The following KATNBL1 variants were observed in gnomAD, a reference collection of about 807,000 sequenced individuals.
KATNBL1 encodes KATNB1-like protein 1.
A neutral mutation model predicts 44.7 loss-of-function variants in KATNBL1; 28 were observed. The observed-to-expected ratio is 0.63, with a 90% CI of 0.46 to 0.86. The LOEUF (loss-of-function observed/expected upper bound fraction) is 0.86. Ranked by LOEUF, KATNBL1 falls within the 40% of genes least tolerant of loss-of-function variation. The pLI, the probability that KATNBL1 is intolerant of heterozygous loss-of-function variation, is 0.00. For missense variants in KATNBL1, 272 were observed against 350.7 expected, an observed-to-expected ratio of 0.78 and a Z score of 1.79; for synonymous variants, 78 against 114.9, an observed-to-expected ratio of 0.68 and a Z score of 2.06.
At chr15:34,167,211 A>G (rs1327597584) in intron 1 of KATNBL1, among the ~76,000 whole-genome samples, 1 of 152,228 alleles carries the variant, frequency 6.6e-6, no homozygotes, top group Non-Finnish European at 1.5e-5. Flanking sequence ...AAAAGGTTAG[A>G]CAAATGGTTA....
At chr15:34,188,392 C>T (rs1889783594) in intron 1 of KATNBL1, among the ~76,000 whole-genome samples, 1 of 151,914 alleles carries the variant, frequency 6.6e-6, no homozygotes, top group South Asian at 2.1e-4. Context: ...CCCGTCTGTA[C>T]TAAAAATACA....
chr15:34,178,165 T>C (rs1044686977), intron 1 of KATNBL1, among the ~76,000 whole-genome samples: 29 of 152,210 alleles, frequency 1.9e-4, no homozygotes. Flanking sequence ...TTTCGTTAAT[T>C]GAATTCAATT....
intron 1 of KATNBL1, among the ~76,000 whole-genome samples, chr15:34,181,852 A>ATATATAT (rs1567532408): frequency 6.6e-5 from 1 of 15,208 alleles, no homozygotes; most frequent in Admixed American, 8.7e-4. Context: ...ACATATATAT[A>ATATATAT]GTCCATATAT....
chr15:34,209,448 T>A (rs984711878), intron 1 of KATNBL1: 5 of 152,236 alleles, frequency 3.3e-5, no homozygotes, highest in African/African-American at 1.2e-4. Flanking sequence ...ACAGTAAGGT[T>A]TTTAAAGTTG....
chr15:34,147,050 A>G, intron 7 of KATNBL1, 150 bp downstream of exon 7: 1 of 644,584 alleles, frequency 1.6e-6, no homozygotes, highest in East Asian at 2.7e-5. Flanking sequence ...TCCTTTAGTC[A>G]TTTCATATTC....
rs981096691 is a variant in KATNBL1, at chr15:34,140,861, G to C, written c.*1478C>G. The C allele has an allele frequency of 6.6e-6, 1 of 152,068 alleles. No individual in the cohort carries two copies. Among genetic ancestry groups the C allele is most frequent in the African/African-American group, 2.4e-5 (1 of 41,412 alleles). The allele number at this position is 152,068 out of a possible 1,614,324, so 9.4% of individuals were successfully genotyped here. The stretch of plus-strand genomic sequence containing the variant: ...GAAATAACCAATTATTACAATTCAT[G>C]TTCACTGTGAGGAATATCTAGCTAT... On this transcript the variant is annotated 3_prime_UTR_variant, in exon 10 of 10. Coordinates refer to ENST00000256544, the MANE Select transcript of KATNBL1 (RefSeq NM_024713.3).
rs749735540 is a variant in KATNBL1, at chr15:34,148,723, G to T, written c.466C>A (p.Gln156Lys). 2.0e-5 allele frequency: 32 copies of T among 1,611,684 alleles called. No individual in the cohort carries two copies. The highest frequency in any genetic ancestry group is 2.7e-5 in the Non-Finnish European group (32 of 1,178,034). The change falls in exon 5 of 10, where the codon CAA becomes AAA. Residue 156 changes from glutamine (Q) to lysine (K), a missense_variant. Gln to Lys is a moderately conservative substitution (Grantham distance 53). Transcript: ENST00000256544. ...CTCATATTCCTGCTGAACAAAACTTGGGCCATTGTTTCATGGTCCTGAGAA... is the reference window on the plus strand; with the variant it reads ...CTCATATTCCTGCTGAACAAAACTTTGGCCATTGTTTCATGGTCCTGAGAA... ...EVSQDHETMAQVLFSRNMRLN... is the reference protein window; with the variant it reads ...EVSQDHETMAKVLFSRNMRLN...
At chr15:34,169,060 G>C (rs8035014) in intron 1 of KATNBL1, among the ~76,000 whole-genome samples, 147,810 of 152,244 alleles carry the variant, frequency 0.97, 71,896 homozygotes, top group East Asian at 1. Flanking sequence ...AATTCAAAAG[G>C]TAGCAGAAGG....
At position 34,196,592 on chromosome 15, in the gene KATNBL1, G is replaced by A. The variant is rs147910841; in HGVS notation, c.-15+13359C>T. On this transcript the variant is annotated intron_variant, in intron 1 of 9. Transcript: ENST00000256544. ...AAAATACGAAAACCTGCCAGGCGTG[G>A]CGGCAGGCACCTGTAATCCCAGCTA... is the stretch of plus-strand genomic sequence containing the variant. Among the ~76,000 whole-genome samples the A allele has an allele frequency of 5.4e-3, 827 of 152,152 alleles. 5 individuals carry two copies. The highest frequency in any genetic ancestry group is 0.019 in the African/African-American group (778 of 41,484).
intron 1 of KATNBL1, among the ~76,000 whole-genome samples, chr15:34,176,015 T>C (rs1889320022): frequency 1.3e-5 from 2 of 152,162 alleles, no homozygotes; most frequent in Non-Finnish European, 2.9e-5. Flanking sequence ...AACCCAAATG[T>C]CCATCAACTG....
At chr15:34,161,535 C>A (rs1888806575) in intron 2 of KATNBL1, among the ~76,000 whole-genome samples, 1 of 152,170 alleles carries the variant, frequency 6.6e-6, no homozygotes, top group Non-Finnish European at 1.5e-5. Flanking sequence ...CAGAAGGGTG[C>A]CAATCACGCC....
chr15:34,143,094 G>A (rs754970906), intron 9 of KATNBL1: 52 of 1,081,980 alleles, frequency 4.8e-5, no homozygotes, highest in East Asian at 1.2e-4. Context: ...AAGGAACTTC[G>A]CATTGAACTT....
At chr15:34,200,743 C>T (rs1483990148) in intron 1 of KATNBL1, among the ~76,000 whole-genome samples, 1 of 152,152 alleles carries the variant, frequency 6.6e-6, no homozygotes, top group African/African-American at 2.4e-5. Context: ...CTGAGATACC[C>T]TGAAATAAAA....
At chr15:34,192,706 C>G (rs1270297699) in intron 1 of KATNBL1, among the ~76,000 whole-genome samples, 2 of 152,168 alleles carry the variant, frequency 1.3e-5, no homozygotes, top group Non-Finnish European at 2.9e-5. Flanking sequence ...CCACTCCATA[C>G]TCCTGGATTT....
At chr15:34,146,702 A>G (rs1394065673) in intron 8 of KATNBL1, 59 bp downstream of exon 8, 7 of 942,322 alleles carry the variant, frequency 7.4e-6, no homozygotes, top group African/African-American at 1.6e-5. Flanking sequence ...ACCTAGTTTA[A>G]TCAAGCTGCT....
chr15:34,144,947 T>A, intron 9 of KATNBL1: 1 of 445,898 alleles, frequency 2.2e-6, no homozygotes, highest in Non-Finnish European at 3.0e-6. Flanking sequence ...GACAAATCAA[T>A]AAAGACCAAA....
chr15:34,200,494 C>T (rs570441436), intron 1 of KATNBL1, among the ~76,000 whole-genome samples: 39 of 152,070 alleles, frequency 2.6e-4, no homozygotes, highest in Non-Finnish European at 4.1e-4. Context: ...AACGCCTGAC[C>T]TCTTGATCCA....
At chr15:34,194,847 G>T (rs927841770) in intron 1 of KATNBL1, among the ~76,000 whole-genome samples, 7 of 152,096 alleles carry the variant, frequency 4.6e-5, no homozygotes, top group African/African-American at 1.7e-4. Context: ...AGAAGCATGT[G>T]AACAAATGTT....
intron 1 of KATNBL1, chr15:34,199,549 T>A (rs1298539427): frequency 6.6e-6 from 1 of 152,242 alleles, no homozygotes; most frequent in Non-Finnish European, 1.5e-5. Context: ...CCGAGTTGGC[T>A]CCTTCCAGTT....
Sources: gnomAD v4.1 joint callset for allele counts (sites outside exome capture counted in the v4.1 genomes callset) on GRCh38, gnomAD v4.1.1 for gene constraint, MANE v1.5 for transcripts, NCBI Gene and HGNC (gene_info 2026-07-23, HGNC 2026-07-21) for gene names.